Variants in SEMA5A observed in about 807,000 individuals in gnomAD.
SEMA5A encodes the protein semaphorin-5A.
Under a neutral mutation model 135.5 loss-of-function variants are expected in SEMA5A, and 55 were observed. That is an observed-to-expected ratio of 0.41 (90% confidence interval 0.33 to 0.51). The LOEUF is 0.51. Among genes scored for constraint, SEMA5A ranks in the 20% least tolerant of loss-of-function variants. SEMA5A has a pLI of 0.37. For missense variants in SEMA5A, 1,290 were observed against 1,419.9 expected (o/e 0.91, Z 1.47); for synonymous variants, 580 against 546.5 (o/e 1.06, Z -0.85).
intron 2 of SEMA5A, among the ~76,000 whole-genome samples, chr5:9,409,549 C>A (rs1757026142): frequency 6.6e-6 from 1 of 152,178 alleles, no homozygotes; most frequent in Non-Finnish European, 1.5e-5. Context: ...TCCCGACCCA[C>A]ACCTGTGAGG....
At chr5:9,428,161 TATCTATCC>T (rs140987464) in intron 2 of SEMA5A, among the ~76,000 whole-genome samples, 23,856 of 135,008 alleles carry the variant, frequency 0.18, 2,047 homozygotes, top group African/African-American at 0.23. Flanking sequence ...TCTATCTATC[TATCTATCC>T]ATCCATCCAT....
chr5:9,064,683 C>T (rs917859865), intron 17 of SEMA5A, among the ~76,000 whole-genome samples: 8 of 152,076 alleles, frequency 5.3e-5, no homozygotes, highest in Non-Finnish European at 1.2e-4. Context: ...GCCATGATTA[C>T]ACCACTGTAC....
At chr5:9,365,239 G>A (rs1190119775) in intron 3 of SEMA5A, among the ~76,000 whole-genome samples, 3 of 152,188 alleles carry the variant, frequency 2.0e-5, no homozygotes, top group East Asian at 1.9e-4. Context: ...TGGAGCAAGG[G>A]CAAGGCTAGT....
intron 11 of SEMA5A, among the ~76,000 whole-genome samples, chr5:9,168,804 C>A (rs1189881517): frequency 6.6e-6 from 1 of 152,104 alleles, no homozygotes; most frequent in African/African-American, 2.4e-5. Context: ...ACTCAAATGC[C>A]CCTGGAACAA....
chr5:9,134,700 ATTAC>A (rs1288764872), intron 13 of SEMA5A, among the ~76,000 whole-genome samples: 1 of 152,214 alleles, frequency 6.6e-6, no homozygotes, highest in Non-Finnish European at 1.5e-5. Flanking sequence ...CAATGGCCTT[ATTAC>A]TTAAGAAACA....
At position 9,043,072 on chromosome 5, in the gene SEMA5A, A is replaced by T. The variant is rs1025163624; in HGVS notation, c.3106-56T>A. The T allele has an allele frequency of 4.9e-6, 7 of 1,435,176 alleles. No homozygotes were observed. The Admixed American group carries it at 1.1e-4, about 23-fold the overall frequency. The allele number at this position is 1,435,176 out of a possible 1,614,324, so 88.9% of individuals were successfully genotyped here. A position where few individuals can be genotyped will look rare whatever the true frequency, so the allele number is the denominator to read the frequency against. On this transcript the variant is annotated intron_variant, in intron 22 of 22. Transcript: ENST00000382496. Reference sequence around the variant, plus strand: ...AAGAATGCTGAGTAGCATTTCAGAAATAATATAACAAGGATGACTATTATG... The same window carrying T: ...AAGAATGCTGAGTAGCATTTCAGAATTAATATAACAAGGATGACTATTATG...
intron 1 of SEMA5A, among the ~76,000 whole-genome samples, chr5:9,514,033 C>G (rs1250398037): frequency 6.6e-6 from 1 of 152,162 alleles, no homozygotes; most frequent in Non-Finnish European, 1.5e-5. Flanking sequence ...AGGCCCTGCT[C>G]CCTCTGGAGG....
intron 18 of SEMA5A, among the ~76,000 whole-genome samples, chr5:9,059,749 C>T (rs1340659034): frequency 6.6e-6 from 1 of 152,052 alleles, no homozygotes; most frequent in East Asian, 1.9e-4. Context: ...AAGTTTTTAC[C>T]ATGTTGGCCA....
At chr5:9,062,042 A>G (rs1351363273) in intron 18 of SEMA5A, among the ~76,000 whole-genome samples, 1 of 152,194 alleles carries the variant, frequency 6.6e-6, no homozygotes, top group Admixed American at 6.5e-5. Flanking sequence ...AAGGCCCCAG[A>G]TATTTCAGAC....
At chr5:9,334,411 A>G (rs772936939) in intron 4 of SEMA5A, among the ~76,000 whole-genome samples, 48 of 152,226 alleles carry the variant, frequency 3.2e-4, no homozygotes, top group Non-Finnish European at 6.2e-4. Flanking sequence ...GCCTAATCCC[A>G]TGAAATTTCC....
chr5:9,117,458 T>C (rs146855932), intron 15 of SEMA5A, among the ~76,000 whole-genome samples: 2 of 152,228 alleles, frequency 1.3e-5, no homozygotes, highest in Non-Finnish European at 2.9e-5. Context: ...TTGGTGTATA[T>C]ATAATGAGAT....
In SEMA5A at chr5:9,372,404, G is replaced by A. The variant is rs546260170; in HGVS notation, c.124+7419C>T. 1.7e-4 allele frequency among the ~76,000 whole-genome samples: 26 copies of A among 152,160 alleles called. No homozygotes were observed. In the South Asian group the frequency reaches 3.3e-3, roughly 19 times the overall value. On this transcript the variant is annotated intron_variant, in intron 3 of 22. Transcript: ENST00000382496. ...ATGCGGCATGCAAGGAGATGTGGAC[G>A]TGCATGGAACCATGGGATATGTGTG...
At chr5:9,104,095 G>A (rs1480749524) in intron 16 of SEMA5A, among the ~76,000 whole-genome samples, 3 of 152,120 alleles carry the variant, frequency 2.0e-5, no homozygotes, top group Non-Finnish European at 4.4e-5. Context: ...ATGGAGTTGT[G>A]TCATTAAATT....
chr5:9,447,525 G>T (rs1412902491), intron 1 of SEMA5A, among the ~76,000 whole-genome samples: 5 of 152,180 alleles, frequency 3.3e-5, no homozygotes, highest in Non-Finnish European at 7.3e-5. Context: ...GAAGAAAATA[G>T]CATCTCATTT....
intron 2 of SEMA5A, among the ~76,000 whole-genome samples, chr5:9,403,279 G>GT (rs1756741735): frequency 6.6e-6 from 1 of 152,096 alleles, no homozygotes; most frequent in East Asian, 1.9e-4. Context: ...AAACCAGACC[G>GT]TAAGCAAAGA....
chr5:9,512,792 G>A (rs968931957), intron 1 of SEMA5A, among the ~76,000 whole-genome samples: 2 of 152,112 alleles, frequency 1.3e-5, no homozygotes, highest in African/African-American at 4.8e-5. Context: ...TCCTTTCAAC[G>A]AAAGCACCAA....
intron 1 of SEMA5A, among the ~76,000 whole-genome samples, chr5:9,488,770 G>T (rs1734854857): frequency 6.6e-6 from 1 of 152,044 alleles, no homozygotes; most frequent in South Asian, 2.1e-4. Flanking sequence ...AAAACAAAAG[G>T]GCATTAGGTC....
chr5:9,359,685 G>A (rs754182172), intron 3 of SEMA5A, among the ~76,000 whole-genome samples: 86 of 152,006 alleles, frequency 5.7e-4, no homozygotes, highest in African/African-American at 1.4e-3. Flanking sequence ...AATTAATTCC[G>A]TCTTTATATT....
intron 16 of SEMA5A, among the ~76,000 whole-genome samples, chr5:9,103,987 A>C (rs945201572): frequency 6.6e-6 from 1 of 152,212 alleles, no homozygotes; most frequent in Non-Finnish European, 1.5e-5. Flanking sequence ...ATAGAAAGAC[A>C]AAAAGCTCCT....
Sources: allele counts gnomAD v4.1 joint callset (sites outside exome capture counted in the v4.1 genomes callset), GRCh38; gene constraint gnomAD v4.1.1; transcripts MANE v1.5; gene names NCBI Gene and HGNC (gene_info 2026-07-23, HGNC 2026-07-21).